The following UXT variants were observed in gnomAD, a reference collection of about 807,000 sequenced individuals.
UXT encodes ubiquitously expressed prefoldin like chaperone, also known as protein UXT.
For synonymous variants in UXT, 54 were observed against 52.8 expected (o/e 1.02, Z -0.10); for missense variants, 111 against 132.7 (o/e 0.84, Z 0.80).
intron 4 of UXT, among the ~76,000 whole-genome samples, chrX:47,653,321 C>T (rs2058073926): frequency 9.0e-6 from 1 of 111,707 alleles, no homozygotes; most frequent in South Asian, 3.7e-4. Context: ...CCAATATCTC[C>T]CACATTTTTA....
At chrX:47,657,987 T>G in intron 1 of UXT, 124 bp from the exon 3 acceptor site, 1 of 510,962 alleles carries the variant, frequency 2.0e-6, no homozygotes. Flanking sequence ...GTGCATAAGT[T>G]AATTTTCGGC....
intron 5 of UXT, 93 bp from the exon 7 acceptor site, chrX:47,651,988 A>G: frequency 8.5e-7 from 1 of 1,180,689 alleles, no homozygotes; most frequent in Non-Finnish European, 1.1e-6. Flanking sequence ...TCCAGTTTAG[A>G]GGGAAAGATG....
In UXT at chrX:47,658,892, G is replaced by A. The variant is rs747212582; in HGVS notation, c.72C>T (p.Ala24=). The A allele has an allele frequency of 1.7e-6, 2 of 1,181,890 alleles. No homozygotes were observed. The highest frequency in any genetic ancestry group is 2.3e-5 in the Admixed American group (1 of 42,834). The change falls in exon 1 of 6, where the codon GCC becomes GCT. Residue 24 remains alanine (A), a synonymous_variant. Transcript: ENST00000335890. ...CGTAGCGCAGCACTTTCTCCCCCGT[G>A]GCCTCCACCGCCCGCCGCTTAGGGG...
At chrX:47,652,783 A>G (rs1017360733) in intron 4 of UXT, among the ~76,000 whole-genome samples, 7 of 111,897 alleles carry the variant, frequency 6.3e-5, no homozygotes, top group Non-Finnish European at 1.1e-4. Context: ...TGAAGCCTAC[A>G]AGGCCATGGT....
Position 47,658,850 on chromosome X carries a change from G to A in UXT, c.114C>T (p.Asp38=). Residue 38 remains aspartate (D), a synonymous_variant, in exon 1 of 6, where the codon GAC becomes GAT. Transcript: ENST00000335890. Reference sequence around the variant, plus strand: ...CTCACCGCAAGTCCCGCTGCAGCACGTCACTGATGAAGGTCTCGTAGCGCA... The same window carrying A: ...CTCACCGCAAGTCCCGCTGCAGCACATCACTGATGAAGGTCTCGTAGCGCA... 1.7e-6 allele frequency: 2 copies of A among 1,149,272 alleles called. No individual in the cohort carries two copies. The highest frequency in any genetic ancestry group is 2.3e-6 in the Non-Finnish European group (2 of 864,045). 94.7% of individuals were successfully genotyped at this position (1,149,272 alleles called of 1,213,427 possible).
At position 47,651,807 on chromosome X, in the gene UXT, C is replaced by CA; in HGVS notation, c.*34dup. Reference sequence around the variant, plus strand: ...AAGGGCCATGTGACTCAAAGGCATTCAGGCTCTTTAATGTCTGAGGATGGG... The same window carrying CA: ...AAGGGCCATGTGACTCAAAGGCATTCAAGGCTCTTTAATGTCTGAGGATGGG... On this transcript the variant is annotated 3_prime_UTR_variant, in exon 6 of 6. Transcript: ENST00000335890. 1 of 1,202,105 alleles carries CA rather than the reference C, an allele frequency of 8.3e-7. No individual in the cohort carries two copies. Among genetic ancestry groups the CA allele is most frequent in the South Asian group, 1.8e-5 (1 of 56,110 alleles).
Position 47,658,870 on chromosome X carries a change from A to G in UXT, c.94T>C (p.Tyr32His). Reference sequence around the variant, plus strand: ...AGCACGTCACTGATGAAGGTCTCGTAGCGCAGCACTTTCTCCCCCGTGGCC... The same window carrying G: ...AGCACGTCACTGATGAAGGTCTCGTGGCGCAGCACTTTCTCCCCCGTGGCC... Residue 32 changes from tyrosine to histidine, a missense_variant, in exon 1 of 6, where the codon TAC becomes CAC. By Grantham distance (83) the Tyr-to-His change is moderately conservative. Coordinates refer to ENST00000335890, the MANE Select transcript of UXT (RefSeq NM_153477.3). 8.6e-7 allele frequency: 1 copy of G among 1,163,744 alleles called. No homozygotes were observed. Among genetic ancestry groups the G allele is most frequent in the Non-Finnish European group, 1.1e-6 (1 of 870,584 alleles).
chrX:47,651,830 G>A lies in UXT; in HGVS notation c.*12C>T, dbSNP rs1268002202. 8.3e-7 allele frequency: 1 copy of A among 1,209,341 alleles called. No homozygotes were observed. Among genetic ancestry groups the A allele is most frequent in the Non-Finnish European group, 1.1e-6 (1 of 893,753 alleles). On this transcript the variant is annotated 3_prime_UTR_variant, in exon 6 of 6. Transcript: ENST00000335890. ...TTCAGGCTCTTTAATGTCTGAGGAT[G>A]GGGGGAAGAAGTCAATGGTGAGGCT...
Position 47,654,733 on chromosome X carries a change from T to C in UXT, c.392+2450A>G, listed in dbSNP as rs1317764547. 3.6e-5 allele frequency among the ~76,000 whole-genome samples: 4 copies of C among 112,086 alleles called. No individual in the cohort carries two copies. The South Asian group carries it at 1.1e-3, about 31-fold the overall frequency. On this transcript the variant is annotated intron_variant, in intron 4 of 5. Transcript: ENST00000335890. ...TATTTTTAAAGGACAGCCAGCTACA[T>C]AGACTCAAATCTTCATCTCTTAGAA...
intron 1 of UXT, among the ~76,000 whole-genome samples, chrX:47,658,617 C>T (rs1407970080): frequency 8.9e-6 from 1 of 112,388 alleles, no homozygotes; most frequent in African/African-American, 3.2e-5. Context: ...TGTTAAACAT[C>T]GGAGGCCGCG....
chrX:47,653,927 G>A (rs1318932508), intron 4 of UXT: 2 of 158,889 alleles, frequency 1.3e-5, no homozygotes, highest in African/African-American at 6.3e-5. Flanking sequence ...AGAATATTCT[G>A]GGGGTAATGC....
chrX:47,654,259 T>C (rs1161774429), intron 4 of UXT, among the ~76,000 whole-genome samples: 1 of 104,287 alleles, frequency 9.6e-6, no homozygotes, highest in African/African-American at 3.5e-5. Context: ...CAGGCTGGAG[T>C]GCAGTGGCGT....
Position 47,658,845 on chromosome X carries a change from A to G in UXT, c.119T>C (p.Leu40Pro). The G allele has an allele frequency of 8.7e-7, 1 of 1,146,142 alleles. No homozygotes were observed. The highest frequency in any genetic ancestry group is 1.2e-6 in the Non-Finnish European group (1 of 862,796). The allele number at this position is 1,146,142 out of a possible 1,213,427, so 94.5% of individuals were successfully genotyped here. The change falls in exon 1 of 6, where the codon CTG becomes CCG. Residue 40 changes from leucine to proline, a missense_variant. Coordinates refer to ENST00000335890, the MANE Select transcript of UXT (RefSeq NM_153477.3). ...TGTCACTCACCGCAAGTCCCGCTGC[A>G]GCACGTCACTGATGAAGGTCTCGTA... is the stretch of plus-strand genomic sequence containing the variant.
At position 47,659,161 on chromosome X, in the gene UXT, G is replaced by T. The variant is rs777122391; in HGVS notation, c.-198C>A. 1 of 584,769 alleles carries T rather than the reference G, an allele frequency of 1.7e-6. No individual in the cohort carries two copies. The highest frequency in any genetic ancestry group is 2.2e-5 in the African/African-American group (1 of 45,004). 48.2% of individuals were successfully genotyped at this position (584,769 alleles called of 1,213,427 possible). On this transcript the variant is annotated 5_prime_UTR_variant, in exon 1 of 6. Coordinates refer to ENST00000335890, the MANE Select transcript of UXT (RefSeq NM_153477.3). Reference sequence around the variant, plus strand: ...ACGGTTGGTAGGAACCGCGGCTTCCGGGTGGCGCGGGTGAATGACGTAAGT... The same window carrying T: ...ACGGTTGGTAGGAACCGCGGCTTCCTGGTGGCGCGGGTGAATGACGTAAGT...
intron 3 of UXT, 33 bp downstream of exon 4, chrX:47,657,539 C>G (rs752625634): frequency 9.2e-5 from 110 of 1,193,507 alleles, no homozygotes; most frequent in Non-Finnish European, 1.2e-4. Context: ...TAAGCTGAAC[C>G]CTGTGGGCTC....
Position 47,658,825 on chromosome X carries a change from C to A in UXT, c.134+5G>T, listed in dbSNP as rs759180275. On this transcript the variant is annotated splice_donor_5th_base_variant and intron_variant, in intron 1 of 5. Coordinates refer to ENST00000335890, the MANE Select transcript of UXT (RefSeq NM_153477.3). ...AAACGCCCCGCCCCCCGCACTGTCA[C>A]TCACCGCAAGTCCCGCTGCAGCACG... 1.6e-5 allele frequency: 18 copies of A among 1,138,199 alleles called. No individual in the cohort carries two copies. Among genetic ancestry groups the A allele is most frequent in the Non-Finnish European group, 2.0e-5 (17 of 860,046 alleles). The allele number at this position is 1,138,199 out of a possible 1,213,427, so 93.8% of individuals were successfully genotyped here. A position where few individuals can be genotyped will look rare whatever the true frequency, so the allele number is the denominator to read the frequency against.
At chrX:47,652,768 C>T (rs2058071936) in intron 4 of UXT, among the ~76,000 whole-genome samples, 1 of 111,082 alleles carries the variant, frequency 9.0e-6, no homozygotes, top group African/African-American at 3.3e-5. Flanking sequence ...GGGAGACAAA[C>T]TGTGTGAAGC....
intron 4 of UXT, among the ~76,000 whole-genome samples, chrX:47,653,002 A>G (rs188225470): frequency 8.9e-6 from 1 of 112,103 alleles, no homozygotes; most frequent in East Asian, 2.8e-4. Flanking sequence ...AAGAATGCCT[A>G]ATGGTTAAGC....
intron 4 of UXT, among the ~76,000 whole-genome samples, chrX:47,653,190 T>C (rs887629225): frequency 9.0e-6 from 1 of 111,615 alleles, no homozygotes; most frequent in Non-Finnish European, 1.9e-5. Flanking sequence ...TGGATTTTAT[T>C]GTGCTGTCAA....
Sources: allele counts gnomAD v4.1 joint callset (sites outside exome capture counted in the v4.1 genomes callset), GRCh38; gene constraint gnomAD v4.1.1; transcripts MANE v1.5; gene names NCBI Gene and HGNC (gene_info 2026-07-23, HGNC 2026-07-21).